Variants in FRMPD4 observed in about 807,000 individuals in gnomAD.
FRMPD4 encodes FERM and PDZ domain-containing protein 4.
FRMPD4 carries 22 observed loss-of-function variants against 94.1 expected under a neutral mutation model. The observed-to-expected ratio is 0.23, with a 90% CI of 0.17 to 0.33. FRMPD4 has a LOEUF of 0.33. Among genes scored for constraint, FRMPD4 ranks in the 10% least tolerant of loss-of-function variants. FRMPD4 has a pLI of 1.00. For synonymous variants in FRMPD4, 631 were observed against 548.6 expected (o/e 1.15, Z -2.10); for missense variants, 1,111 against 1,339.9 (o/e 0.83, Z 2.67).
intron 2 of FRMPD4, among the ~76,000 whole-genome samples, chrX:12,564,063 T>C (rs1397664766): frequency 6.2e-5 from 7 of 112,010 alleles, no homozygotes; most frequent in African/African-American, 2.3e-4. Context: ...GGTTTGTAGT[T>C]GGCCATCTTC....
At chrX:12,508,044 T>G (rs1268148814) in intron 2 of FRMPD4, among the ~76,000 whole-genome samples, 1 of 112,204 alleles carries the variant, frequency 8.9e-6, no homozygotes, top group Non-Finnish European at 1.9e-5. Flanking sequence ...ACATAGCAAT[T>G]TGCGCTTACT....
intron 1 of FRMPD4, among the ~76,000 whole-genome samples, chrX:11,845,240 T>C (rs1437485990): frequency 8.9e-6 from 1 of 111,965 alleles, no homozygotes; most frequent in Non-Finnish European, 1.9e-5. Flanking sequence ...TCTTTCATTC[T>C]TTCAAACCCC....
chrX:12,173,383 G>A (rs1383492420), intron 1 of FRMPD4, among the ~76,000 whole-genome samples: 1 of 112,466 alleles, frequency 8.9e-6, no homozygotes. Context: ...AGGTGTGCCT[G>A]TACATCTTGC....
intron 1 of FRMPD4, among the ~76,000 whole-genome samples, chrX:12,184,364 G>T (rs1187902941): frequency 9.0e-6 from 1 of 111,613 alleles, no homozygotes; most frequent in African/African-American, 3.3e-5. Context: ...GTAGACAACC[G>T]TTGAGTTTGA....
At chrX:12,579,306 A>T (rs942701140) in intron 2 of FRMPD4, among the ~76,000 whole-genome samples, 4 of 112,584 alleles carry the variant, frequency 3.6e-5, no homozygotes, top group Non-Finnish European at 7.5e-5. Flanking sequence ...ACTTCTTACA[A>T]TGCAACTGAG....
intron 3 of FRMPD4, among the ~76,000 whole-genome samples, chrX:12,043,930 AT>A (rs1240494162): frequency 8.9e-6 from 1 of 111,732 alleles, no homozygotes; most frequent in Non-Finnish European, 1.9e-5. Flanking sequence ...AAAAAATATC[AT>A]TTTTATGATA....
intron 1 of FRMPD4, among the ~76,000 whole-genome samples, chrX:12,146,774 G>T (rs191995795): frequency 7.7e-4 from 86 of 112,258 alleles, no homozygotes; most frequent in Non-Finnish European, 1.4e-3. Context: ...AATTTTTGTG[G>T]CCCATCTCTT....
intron 1 of FRMPD4, among the ~76,000 whole-genome samples, chrX:12,486,208 A>C (rs934070042): frequency 9.0e-6 from 1 of 110,711 alleles, no homozygotes; most frequent in Non-Finnish European, 1.9e-5. Context: ...GTCAGCATCC[A>C]CTCCTTACCT....
chrX:11,896,387 C>T (rs1010722191), intron 3 of FRMPD4, among the ~76,000 whole-genome samples: 9 of 110,974 alleles, frequency 8.1e-5, no homozygotes, highest in African/African-American at 1.6e-4. Context: ...AATGGTGTTA[C>T]GAGGTGGGGT....
In FRMPD4 at chrX:12,428,534, A is replaced by G. The variant is rs758622915; in HGVS notation, c.42-70146A>G. Among the ~76,000 whole-genome samples, 3 of 111,264 alleles carry G rather than the reference A, an allele frequency of 2.7e-5. No individual in the cohort carries two copies. The South Asian group carries it at 1.2e-3, about 43-fold the overall frequency. On this transcript the variant is annotated intron_variant, in intron 1 of 16. Coordinates refer to ENST00000675598, the MANE Select transcript of FRMPD4 (RefSeq NM_001368397.1). ...TGGAAGCTCTCAAGTGAAGACAGCCATCATCCAACAAATTTCCTTTGTTTC... is the reference window on the plus strand; with the variant it reads ...TGGAAGCTCTCAAGTGAAGACAGCCGTCATCCAACAAATTTCCTTTGTTTC...
At chrX:12,574,465 A>G (rs1411854359) in intron 2 of FRMPD4, among the ~76,000 whole-genome samples, 2 of 111,686 alleles carry the variant, frequency 1.8e-5, no homozygotes, top group African/African-American at 6.5e-5. Flanking sequence ...ACTAAACTCC[A>G]TGGAATCTTT....
At chrX:11,907,367 G>A (rs1356530491) in intron 3 of FRMPD4, among the ~76,000 whole-genome samples, 1 of 111,333 alleles carries the variant, frequency 9.0e-6, no homozygotes, top group Non-Finnish European at 1.9e-5. Flanking sequence ...ATTGAAACCT[G>A]GATAGAAGGC....
At chrX:12,508,039 G>A in intron 2 of FRMPD4, among the ~76,000 whole-genome samples, 1 of 112,205 alleles carries the variant, frequency 8.9e-6, no homozygotes, top group South Asian at 3.7e-4. Context: ...AAATTACATA[G>A]CAATTTGCGC....
At chrX:12,057,080 T>A (rs1037056424) in intron 3 of FRMPD4, among the ~76,000 whole-genome samples, 3 of 112,062 alleles carry the variant, frequency 2.7e-5, no homozygotes, top group African/African-American at 9.7e-5. Flanking sequence ...TATGATGAAT[T>A]TAATGTTTAC....
chrX:12,292,667 A>C (rs909310918), intron 1 of FRMPD4, among the ~76,000 whole-genome samples: 3 of 111,882 alleles, frequency 2.7e-5, no homozygotes, highest in African/African-American at 9.8e-5. Flanking sequence ...TTGAGGTCAG[A>C]TACTTCAGGA....
At chrX:12,447,614 T>G (rs1353763005) in intron 1 of FRMPD4, among the ~76,000 whole-genome samples, 1 of 112,269 alleles carries the variant, frequency 8.9e-6, no homozygotes, top group Non-Finnish European at 1.9e-5. Context: ...CAGTGGTTTA[T>G]GGTCTTTTAT....
At chrX:12,505,856 C>A (rs55719161) in intron 2 of FRMPD4, among the ~76,000 whole-genome samples, 3,471 of 111,155 alleles carry the variant, frequency 0.031, 143 homozygotes, top group African/African-American at 0.11. Flanking sequence ...TCCTGTAGTT[C>A]CTCTCAAAGC....
At chrX:12,545,433 G>A (rs1224122592) in intron 2 of FRMPD4, among the ~76,000 whole-genome samples, 1 of 112,521 alleles carries the variant, frequency 8.9e-6, no homozygotes, top group East Asian at 2.8e-4. Context: ...CAGAATAAGA[G>A]CTTTTCTCAT....
At chrX:12,184,581 G>T (rs940940990) in intron 1 of FRMPD4, among the ~76,000 whole-genome samples, 2 of 112,099 alleles carry the variant, frequency 1.8e-5, no homozygotes, top group African/African-American at 6.5e-5. Context: ...AAGTGCTCAT[G>T]TAAAAACTAA....
Sources: gnomAD v4.1 joint callset for allele counts (sites outside exome capture counted in the v4.1 genomes callset) on GRCh38, gnomAD v4.1.1 for gene constraint, MANE v1.5 for transcripts, NCBI Gene and HGNC (gene_info 2026-07-23, HGNC 2026-07-21) for gene names.